The following EPN2 variants were observed in gnomAD, a reference collection of about 807,000 sequenced individuals.
EPN2 encodes epsin-2.
EPN2 carries 34 observed loss-of-function variants against 61.7 expected under a neutral mutation model. That is an observed-to-expected ratio of 0.55 (90% CI 0.42 to 0.73). The LOEUF (loss-of-function observed/expected upper bound fraction) is 0.73. Among genes scored for constraint, EPN2 ranks in the 30% least tolerant of loss-of-function variants. The probability of loss-of-function intolerance (pLI) is 0.00; values close to 1 mark genes in which losing one functional copy is unlikely to be tolerated. For missense variants in EPN2, 714 were observed against 839.2 expected (o/e 0.85, Z 1.84); for synonymous variants, 349 against 353.6 (o/e 0.99, Z 0.15).
chr17:19,296,206 A>G (rs1303762856), intron 4 of EPN2, among the ~76,000 whole-genome samples: 1 of 151,346 alleles, frequency 6.6e-6, no homozygotes, highest in Non-Finnish European at 1.5e-5. Context: ...GCTGGAGTGC[A>G]GTGGCGTGAT....
At position 19,283,922 on chromosome 17, in the gene EPN2, T is replaced by G. The variant is rs2045381145; in HGVS notation, c.595+208T>G. On this transcript the variant is annotated intron_variant, in intron 3 of 10. Coordinates refer to ENST00000314728, the MANE Select transcript of EPN2 (RefSeq NM_014964.5). This position sits in a 1 kb window ranked among gnomAD's most constrained non-coding sequence, Gnocchi z 7.0. ...ACTTTTAGTCCCTTGGCTGCTCTGG[T>G]TCAGGGATCTCTAACGCCCTTTGCT... Among the ~76,000 whole-genome samples, 1 of 152,194 alleles carries G rather than the reference T, an allele frequency of 6.6e-6. No homozygotes were observed. The highest frequency in any genetic ancestry group is 2.1e-4 in the South Asian group (1 of 4,834).
At chr17:19,264,069 G>C (rs765264929) in intron 1 of EPN2, among the ~76,000 whole-genome samples, 1 of 152,188 alleles carries the variant, frequency 6.6e-6, no homozygotes, top group Non-Finnish European at 1.5e-5. Flanking sequence ...GTCAGTGCTG[G>C]AAACGCGCCC....
chr17:19,293,257 G>A (rs1458353997), intron 4 of EPN2, among the ~76,000 whole-genome samples: 2 of 151,172 alleles, frequency 1.3e-5, no homozygotes, highest in Non-Finnish European at 2.9e-5. Context: ...GTGGGCACCT[G>A]TAATCCCAGC....
rs995044422 is a variant in EPN2, at chr17:19,335,582, C to T, written c.*1328C>T. The T allele has an allele frequency of 4.8e-5, 50 of 1,047,386 alleles. No individual in the cohort carries two copies. Among genetic ancestry groups the T allele is most frequent in the Non-Finnish European group, 5.8e-5 (43 of 746,158 alleles). The allele number at this position is 1,047,386 out of a possible 1,614,324, so 64.9% of individuals were successfully genotyped here. On this transcript the variant is annotated 3_prime_UTR_variant, in exon 11 of 11. Transcript: ENST00000314728. ...GGGGTGGGGGGTGCTTCTGTGCCCA[C>T]GGGTCCCTGGGCAACAGTCCCTAGG...
rs570884258 is a variant in EPN2, at chr17:19,304,792, C to T, written c.767-5093C>T. Among the ~76,000 whole-genome samples, 46 of 152,280 alleles carry T rather than the reference C, an allele frequency of 3.0e-4. No individual in the cohort carries two copies. The South Asian group carries it at 3.3e-3, about 11-fold the overall frequency. On this transcript the variant is annotated intron_variant, in intron 4 of 10. Transcript: ENST00000314728. ...GTCAGCGGTGGGGACAAGATTTGTC[C>T]GTCCAGTGCTCTTTCCACTATCTGG...
At chr17:19,313,361 C>A in intron 7 of EPN2, 82 bp downstream of exon 7, 2 of 1,358,180 alleles carry the variant, frequency 1.5e-6, no homozygotes, top group Non-Finnish European at 2.0e-6. Flanking sequence ...GTCTCTCACC[C>A]ACTTGGGTCT....
At chr17:19,312,983 G>A in intron 6 of EPN2, 122 bp from the exon 7 acceptor site, 3 of 997,388 alleles carry the variant, frequency 3.0e-6, no homozygotes, top group Non-Finnish European at 4.4e-6. Flanking sequence ...GTTCTTCTCA[G>A]CCCCTCCTAG....
At chr17:19,239,968 GAA>G (rs780790422) in intron 1 of EPN2, among the ~76,000 whole-genome samples, 1 of 151,720 alleles carries the variant, frequency 6.6e-6, no homozygotes, top group Non-Finnish European at 1.5e-5. Flanking sequence ...TGCAAAAGTT[GAA>G]AAGTTTTCGG....
chr17:19,295,366 A>ACGCGCGCG (rs1555600589), intron 4 of EPN2, among the ~76,000 whole-genome samples: 7,538 of 140,182 alleles, frequency 0.054, 306 homozygotes, highest in Non-Finnish European at 0.077. Flanking sequence ...ACACACACAC[A>ACGCGCGCG]CGCGCGTGCG....
At chr17:19,318,778 C>T (rs1288775981) in intron 7 of EPN2, among the ~76,000 whole-genome samples, 8 of 151,848 alleles carry the variant, frequency 5.3e-5, no homozygotes, top group South Asian at 2.1e-4. Context: ...GGGGTTCTCA[C>T]GTGGAAGCCT....
At chr17:19,295,656 AGTT>A (rs1225754079) in intron 4 of EPN2, among the ~76,000 whole-genome samples, 8 of 152,156 alleles carry the variant, frequency 5.3e-5, no homozygotes, top group African/African-American at 1.9e-4. Context: ...TATGATTCAT[AGTT>A]GTTGTTTTTG....
intron 2 of EPN2, chr17:19,282,339 C>T (rs754197593): frequency 1.3e-5 from 2 of 152,152 alleles, no homozygotes; most frequent in South Asian, 4.1e-4. Flanking sequence ...AAGTGGTTGT[C>T]AAGGAGAATT....
At chr17:19,251,233 C>T (rs58182793) in intron 1 of EPN2, among the ~76,000 whole-genome samples, 1,691 of 152,314 alleles carry the variant, frequency 0.011, 25 homozygotes, top group African/African-American at 0.039. Context: ...GACTCCTGCC[C>T]TACCTCTAGT....
intron 1 of EPN2, among the ~76,000 whole-genome samples, chr17:19,275,134 C>CA (rs554439389): frequency 5.6e-4 from 85 of 152,296 alleles, no homozygotes; most frequent in African/African-American, 2.0e-3. Flanking sequence ...CTTCCTTGGT[C>CA]AGTCTTGGGT....
At chr17:19,295,792 C>T (rs935559110) in intron 4 of EPN2, among the ~76,000 whole-genome samples, 1 of 152,168 alleles carries the variant, frequency 6.6e-6, no homozygotes, top group Non-Finnish European at 1.5e-5. Flanking sequence ...CCACACCTCT[C>T]AAATTAGAAT....
chr17:19,239,671 C>G (rs1458497113), intron 1 of EPN2, among the ~76,000 whole-genome samples: 4 of 152,184 alleles, frequency 2.6e-5, no homozygotes, highest in Non-Finnish European at 5.9e-5. Flanking sequence ...GGAGCCAGTT[C>G]GGATTGTCTT....
intron 1 of EPN2, chr17:19,249,656 G>A (rs2044992459): frequency 6.6e-6 from 1 of 152,300 alleles, no homozygotes; most frequent in Non-Finnish European, 1.5e-5. Context: ...TGGTCCTTAG[G>A]TGGATTGAGC....
chr17:19,304,147 T>C (rs1905696892), intron 4 of EPN2, among the ~76,000 whole-genome samples: 1 of 152,106 alleles, frequency 6.6e-6, no homozygotes, highest in Admixed American at 6.5e-5. Context: ...GAACTTAACT[T>C]TTTTATAATT....
At chr17:19,260,971 TGC>T (rs2045134911) in intron 1 of EPN2, among the ~76,000 whole-genome samples, 1 of 152,206 alleles carries the variant, frequency 6.6e-6, no homozygotes, top group Non-Finnish European at 1.5e-5. Context: ...TCAGCTGTGT[TGC>T]ACTGTGAAGT....
Sources: allele counts gnomAD v4.1 joint callset (sites outside exome capture counted in the v4.1 genomes callset), GRCh38; gene constraint gnomAD v4.1.1; non-coding constraint Gnocchi (gnomAD v3.1); transcripts MANE v1.5; gene names NCBI Gene and HGNC (gene_info 2026-07-23, HGNC 2026-07-21).